Variants in CELSR1 observed in about 807,000 individuals in gnomAD.
CELSR1 encodes the protein adhesion G protein-coupled receptor C1.
In CELSR1, 110 loss-of-function variants were observed where a neutral mutation model predicts 249.1. The ratio of observed to expected loss-of-function variants is 0.44; its 90% CI spans 0.38 to 0.52. The LOEUF is 0.52. CELSR1 is among the 20% of genes least tolerant of loss of function. The pLI, the probability that CELSR1 is intolerant of heterozygous loss-of-function variation, is 0.00. For missense variants in CELSR1, 4,109 were observed against 4,296.4 expected, an observed-to-expected ratio of 0.96 and a Z score of 1.22; for synonymous variants, 2,113 against 1,900.0, an observed-to-expected ratio of 1.11 and a Z score of -2.92.
chr22:46,446,905 G>A lies in CELSR1; in HGVS notation c.4184-7494C>T, dbSNP rs1484621464. Among the ~76,000 whole-genome samples the A allele has an allele frequency of 6.6e-6, 1 of 152,122 alleles. No individual in the cohort carries two copies. Among genetic ancestry groups the A allele is most frequent in the African/African-American group, 2.4e-5 (1 of 41,416 alleles). ...CAGCCGGGGAAGGTCCTGTCCCTGTGTTCCTTAGGGCTGACTCCTAGCACA... is the reference window on the plus strand; with the variant it reads ...CAGCCGGGGAAGGTCCTGTCCCTGTATTCCTTAGGGCTGACTCCTAGCACA... On this transcript the variant is annotated intron_variant, in intron 2 of 34. Coordinates refer to ENST00000674500, the MANE Select transcript of CELSR1 (RefSeq NM_001378328.1). This position sits in a 1 kb window ranked among gnomAD's most constrained non-coding sequence, Gnocchi z 5.5.
intron 25 of CELSR1, among the ~76,000 whole-genome samples, chr22:46,371,416 GTTC>G (rs1322255032): frequency 6.6e-6 from 1 of 152,170 alleles, no homozygotes; most frequent in East Asian, 1.9e-4. Context: ...AGGAAAAGGG[GTTC>G]TTCTTTTTGT....
In CELSR1 at chr22:46,410,921, A is replaced by C. The variant is rs1308637858; in HGVS notation, c.4770-360T>G. Among the ~76,000 whole-genome samples, 1 of 152,104 alleles carries C rather than the reference A, an allele frequency of 6.6e-6. No homozygotes were observed. The highest frequency in any genetic ancestry group is 1.5e-5 in the Non-Finnish European group (1 of 68,034). On this transcript the variant is annotated intron_variant, in intron 6 of 34. Coordinates refer to ENST00000674500, the MANE Select transcript of CELSR1 (RefSeq NM_001378328.1). The surrounding 1 kb of genome is among the most constrained non-coding windows in gnomAD (Gnocchi z 6.8). ...CCTCTGAGACCTTCTAGGAAAAGGAAGGGCCTTGAAAGGAGGCCAGAAGAA... is the reference window on the plus strand; with the variant it reads ...CCTCTGAGACCTTCTAGGAAAAGGACGGGCCTTGAAAGGAGGCCAGAAGAA...
At position 46,536,458 on chromosome 22, in the gene CELSR1, C is replaced by G. The variant is rs745905978; in HGVS notation, c.713G>C (p.Ser238Thr). The change falls in exon 1 of 35, where the codon AGC (serine) becomes ACC (threonine). Residue 238 changes from serine to threonine, a missense_variant. Physicochemically the swap from Ser to Thr is moderately conservative, Grantham distance 58 (BLOSUM62 1). Around this residue, in one of 7 missense-constraint regions of CELSR1, gnomAD observed 673 missense variants for 636.8 expected, o/e 1.06. Coordinates refer to ENST00000674500, the MANE Select transcript of CELSR1 (RefSeq NM_001378328.1). ...CGGAAACTTCAGGCTCCCTCTGCCG[C>G]TCGTGCCCCGCCGGGCCCGTCGCGC... ...GPARRARRGT[S>T]GRGSLKFPMP... is the part of the protein sequence containing the mutation. The G allele has an allele frequency of 1.9e-6, 3 of 1,609,780 alleles. No individual in the cohort carries two copies. The highest frequency in any genetic ancestry group is 2.5e-6 in the Non-Finnish European group (3 of 1,178,706).
At chr22:46,425,226 A>G (rs1026038476) in intron 5 of CELSR1, among the ~76,000 whole-genome samples, 1 of 152,184 alleles carries the variant, frequency 6.6e-6, no homozygotes, top group East Asian at 1.9e-4. Flanking sequence ...AACATGAATC[A>G]CATCTATATT....
chr22:46,459,834 C>T (rs1015653905), intron 2 of CELSR1, among the ~76,000 whole-genome samples: 12 of 152,200 alleles, frequency 7.9e-5, no homozygotes, highest in Non-Finnish European at 1.8e-4. Flanking sequence ...GATCATAGAG[C>T]TGCCTCGAGA....
At chr22:46,485,828 C>G (rs2080307506) in intron 1 of CELSR1, among the ~76,000 whole-genome samples, 1 of 151,984 alleles carries the variant, frequency 6.6e-6, no homozygotes, top group Non-Finnish European at 1.5e-5. Context: ...AACGTGAACC[C>G]GTTTTGTTCA....
At position 46,427,277 on chromosome 22, in the gene CELSR1, T is replaced by A. The variant is rs976928678; in HGVS notation, c.4611+6116A>T. ...TCGGCCAGGTGCAGTGGCTTATGCC[T>A]GTAATCCTAACTGTTTGGGAGGCCA... is the stretch of plus-strand genomic sequence containing the variant. On this transcript the variant is annotated intron_variant, in intron 5 of 34. Transcript: ENST00000674500. The surrounding 1 kb of genome is among the most constrained non-coding windows in gnomAD (Gnocchi z 4.2). Among the ~76,000 whole-genome samples the A allele has an allele frequency of 3.9e-5, 6 of 152,170 alleles. No individual in the cohort carries two copies. The highest frequency in any genetic ancestry group is 3.9e-4 in the Admixed American group (6 of 15,278).
At chr22:46,462,139 C>A (rs1349365378) in intron 2 of CELSR1, among the ~76,000 whole-genome samples, 2 of 152,224 alleles carry the variant, frequency 1.3e-5, no homozygotes, top group South Asian at 4.1e-4. Flanking sequence ...ACAGCCGAGC[C>A]CCGGTATAGC....
Position 46,381,078 on chromosome 22 carries a change from G to A in CELSR1, c.7089-123C>T, listed in dbSNP as rs73462564. The A allele has an allele frequency of 0.011, 11,265 of 1,057,824 alleles. 762 individuals carry two copies. The African/African-American group carries it at 0.15, about 14-fold the overall frequency. 65.5% of individuals were successfully genotyped at this position (1,057,824 alleles called of 1,614,324 possible). On this transcript the variant is annotated intron_variant, in intron 21 of 34. Transcript: ENST00000674500. The surrounding 1 kb of genome is among the most constrained non-coding windows in gnomAD (Gnocchi z 6.0). The stretch of plus-strand genomic sequence containing the variant: ...TCTAGGGGAGACAGAATCACACTCC[G>A]AGAGCTCGGACCCACGGACCCCACA...
rs2080520743 is a variant in CELSR1 at position 46,506,923 on chromosome 22, G to A, written c.3544+26704C>T. Among the ~76,000 whole-genome samples, 3 of 152,180 alleles carry A rather than the reference G, an allele frequency of 2.0e-5. No homozygotes were observed. Among genetic ancestry groups the A allele is most frequent in the Admixed American group, 6.5e-5 (1 of 15,274 alleles). On this transcript the variant is annotated intron_variant, in intron 1 of 34. Coordinates refer to ENST00000674500, the MANE Select transcript of CELSR1 (RefSeq NM_001378328.1). This position sits in a 1 kb window ranked among gnomAD's most constrained non-coding sequence, Gnocchi z 4.1. Reference sequence around the variant, plus strand: ...CATAAAAACCGATTCCAGGCGGGGCGTGGTGGCTCACGTTTGTAATCCCAG... The same window carrying A: ...CATAAAAACCGATTCCAGGCGGGGCATGGTGGCTCACGTTTGTAATCCCAG...
At chr22:46,508,216 C>T (rs564687188) in intron 1 of CELSR1, among the ~76,000 whole-genome samples, 3 of 152,128 alleles carry the variant, frequency 2.0e-5, no homozygotes, top group African/African-American at 7.2e-5. Context: ...CTGCCCTGGC[C>T]ACAGAGGTGA....
At chr22:46,481,402 C>T (rs2080264976) in intron 1 of CELSR1, 3 of 1,251,462 alleles carry the variant, frequency 2.4e-6, no homozygotes, top group East Asian at 2.3e-5. Context: ...GTCATCCACA[C>T]ACTTGGTCAC....
rs1297538520 is a variant in CELSR1 at position 46,445,955 on chromosome 22, C to T, written c.4184-6544G>A. Among the ~76,000 whole-genome samples, 1 of 152,162 alleles carries T rather than the reference C, an allele frequency of 6.6e-6. No homozygotes were observed. The highest frequency in any genetic ancestry group is 1.5e-5 in the Non-Finnish European group (1 of 68,026). On this transcript the variant is annotated intron_variant, in intron 2 of 34. Coordinates refer to ENST00000674500, the MANE Select transcript of CELSR1 (RefSeq NM_001378328.1). This position sits in a 1 kb window ranked among gnomAD's most constrained non-coding sequence, Gnocchi z 4.4. ...CACAGCCACAAGCCCCCTCGCCTCG[C>T]GGCCCCTGCTCCTGCCGCACAGCCT...
chr22:46,516,755 C>G (rs1473792760), intron 1 of CELSR1, among the ~76,000 whole-genome samples: 1 of 152,168 alleles, frequency 6.6e-6, no homozygotes, highest in Non-Finnish European at 1.5e-5. Flanking sequence ...TCCATTCCCT[C>G]CACTTCTCAC....
At position 46,417,542 on chromosome 22, in the gene CELSR1, C is replaced by T. The variant is rs964582484; in HGVS notation, c.4612-5783G>A. ...TCCCCCAGGGCTGTCAGCAGCAAAC[C>T]GTCTGGAAGCCCAACTGAGCCACTG... On this transcript the variant is annotated intron_variant, in intron 5 of 34. Coordinates refer to ENST00000674500, the MANE Select transcript of CELSR1 (RefSeq NM_001378328.1). The surrounding 1 kb of genome is among the most constrained non-coding windows in gnomAD (Gnocchi z 4.1). Among the ~76,000 whole-genome samples the T allele has an allele frequency of 2.6e-5, 4 of 152,190 alleles. No homozygotes were observed. The highest frequency in any genetic ancestry group is 2.1e-4 in the South Asian group (1 of 4,830).
At chr22:46,460,212 CA>C (rs1285849003) in intron 2 of CELSR1, among the ~76,000 whole-genome samples, 19 of 68,656 alleles carry the variant, frequency 2.8e-4, no homozygotes, top group Admixed American at 1.4e-3. Context: ...CACACACACA[CA>C]CACCCATTAG....
At chr22:46,511,484 T>C (rs1371256319) in intron 1 of CELSR1, among the ~76,000 whole-genome samples, 1 of 152,230 alleles carries the variant, frequency 6.6e-6, no homozygotes, top group Non-Finnish European at 1.5e-5. Flanking sequence ...CTCTATTTCA[T>C]AACACGATAG....
chr22:46,508,185 CCCACTCTCG>C (rs1000662277), intron 1 of CELSR1, among the ~76,000 whole-genome samples: 1 of 152,098 alleles, frequency 6.6e-6, no homozygotes, highest in Admixed American at 6.5e-5. Flanking sequence ...CCCCCTCCCA[CCCACTCTCG>C]CCACTCTCGC....
Position 46,412,264 on chromosome 22 carries a change from TGAGA to T in CELSR1, c.4612-509_4612-506del, listed in dbSNP as rs1290145577. ...GCGCCTTGACTTCTAGGCACCAGAC[TGAGA>T]GAGAATCATGTCTGTTGTTTGAGCC... On this transcript the variant is annotated intron_variant, in intron 5 of 34. Transcript: ENST00000674500. This position sits in a 1 kb window ranked among gnomAD's most constrained non-coding sequence, Gnocchi z 4.5. Among the ~76,000 whole-genome samples, 2 of 152,150 alleles carry T rather than the reference TGAGA, an allele frequency of 1.3e-5. No individual in the cohort carries two copies. The highest frequency in any genetic ancestry group is 6.5e-5 in the Admixed American group (1 of 15,284).
Sources: gnomAD v4.1 joint callset for allele counts (sites outside exome capture counted in the v4.1 genomes callset) on GRCh38, gnomAD v4.1.1 for gene constraint, gnomAD v4.1.1 regional missense constraint, Gnocchi (gnomAD v3.1) non-coding constraint, MANE v1.5 for transcripts, NCBI Gene and HGNC (gene_info 2026-07-23, HGNC 2026-07-21) for gene names.